The following THSD7B variants were observed in gnomAD, a reference collection of about 807,000 sequenced individuals.
THSD7B encodes thrombospondin type-1 domain-containing protein 7B.
THSD7B carries 138 observed loss-of-function variants against 213.6 expected under a neutral mutation model. The observed-to-expected ratio is 0.65, with a 90% CI of 0.56 to 0.74. The LOEUF (loss-of-function observed/expected upper bound fraction) is 0.74, where lower values mean the gene tolerates loss of function less well. THSD7B is among the 30% of genes least tolerant of loss of function. The pLI is 0.00. For synonymous variants in THSD7B, 742 were observed against 687.0 expected (o/e 1.08, Z -1.25); for missense variants, 1,931 against 1,991.5 (o/e 0.97, Z 0.58).
intron 12 of THSD7B, among the ~76,000 whole-genome samples, chr2:137,336,906 C>T (rs1483198275): frequency 6.6e-6 from 1 of 152,000 alleles, no homozygotes; most frequent in East Asian, 1.9e-4. Flanking sequence ...TCCTTCGTAT[C>T]AATTTTTTAA....
chr2:137,316,311 A>G (rs1005928511), intron 12 of THSD7B, among the ~76,000 whole-genome samples: 2 of 152,248 alleles, frequency 1.3e-5, no homozygotes, highest in Non-Finnish European at 2.9e-5. Flanking sequence ...CACAGTCCTC[A>G]TTTTGTGCTA....
intron 2 of THSD7B, among the ~76,000 whole-genome samples, chr2:136,970,614 G>T (rs1685389852): frequency 6.6e-6 from 1 of 152,098 alleles, no homozygotes; most frequent in Admixed American, 6.6e-5. Context: ...ACAGAACTGA[G>T]AAACTAAAGG....
At chr2:137,139,939 A>C (rs1344197757) in intron 5 of THSD7B, among the ~76,000 whole-genome samples, 3 of 152,164 alleles carry the variant, frequency 2.0e-5, no homozygotes, top group Non-Finnish European at 4.4e-5. Flanking sequence ...TCTTCCATTT[A>C]ATTTTTAATT....
At chr2:136,923,739 T>TTGTGTGACTCTTATG (rs1684475687) in intron 2 of THSD7B, among the ~76,000 whole-genome samples, 1 of 152,224 alleles carries the variant, frequency 6.6e-6, no homozygotes, top group Non-Finnish European at 1.5e-5. Context: ...GTTTGTTGGC[T>TTGTGTGACTCTTATG]ATTCATATGT....
intron 20 of THSD7B, among the ~76,000 whole-genome samples, chr2:137,625,202 A>G (rs1460153220): frequency 1.3e-5 from 2 of 151,938 alleles, no homozygotes; most frequent in Non-Finnish European, 2.9e-5. Context: ...GGAAACCATC[A>G]TGCTGAGCAA....
At chr2:137,643,720 A>G (rs1682978895) in intron 21 of THSD7B, among the ~76,000 whole-genome samples, 1 of 152,198 alleles carries the variant, frequency 6.6e-6, no homozygotes, top group Admixed American at 6.5e-5. Context: ...AATAAGCTCA[A>G]AGAATTTAGA....
At chr2:137,209,141 T>A (rs1681046395) in intron 7 of THSD7B, among the ~76,000 whole-genome samples, 1 of 152,092 alleles carries the variant, frequency 6.6e-6, no homozygotes, top group Non-Finnish European at 1.5e-5. Flanking sequence ...GCTTGGAGGT[T>A]AGAAGCAAGA....
intron 1 of THSD7B, among the ~76,000 whole-genome samples, chr2:136,779,279 A>G (rs918201030): frequency 9.9e-5 from 15 of 151,306 alleles, no homozygotes; most frequent in African/African-American, 3.7e-4. Context: ...CAGGAAAACA[A>G]CTTATAATAT....
chr2:137,064,843 C>G (rs1687346459), intron 3 of THSD7B, among the ~76,000 whole-genome samples: 1 of 151,916 alleles, frequency 6.6e-6, no homozygotes. Context: ...TCTGGGTTCT[C>G]TACTCTGTTC....
chr2:137,506,083 C>A (rs956821527), intron 15 of THSD7B, among the ~76,000 whole-genome samples: 1 of 152,092 alleles, frequency 6.6e-6, no homozygotes, highest in African/African-American at 2.4e-5. Flanking sequence ...GGGGACTCCT[C>A]CTGAGGAGGA....
chr2:137,001,015 G>A (rs1411443014), intron 2 of THSD7B, among the ~76,000 whole-genome samples: 2 of 152,064 alleles, frequency 1.3e-5, no homozygotes, highest in African/African-American at 4.8e-5. Context: ...GCAATACTAT[G>A]TTTACATTAC....
chr2:137,382,721 T>C (rs1162725876), intron 12 of THSD7B, among the ~76,000 whole-genome samples: 1 of 152,106 alleles, frequency 6.6e-6, no homozygotes, highest in African/African-American at 2.4e-5. Context: ...AACAGCAGAG[T>C]ACACTGAGTA....
chr2:137,396,875 T>C (rs1373941776), intron 12 of THSD7B, among the ~76,000 whole-genome samples: 2 of 151,572 alleles, frequency 1.3e-5, no homozygotes, highest in African/African-American at 2.4e-5. Flanking sequence ...ATATTTAGGA[T>C]AGTTAGCTCT....
intron 11 of THSD7B, among the ~76,000 whole-genome samples, chr2:137,273,831 T>C (rs1174609048): frequency 1.3e-5 from 2 of 152,068 alleles, no homozygotes; most frequent in Non-Finnish European, 2.9e-5. Flanking sequence ...TTTTGTACAA[T>C]GTCTAAATAT....
intron 2 of THSD7B, among the ~76,000 whole-genome samples, chr2:136,910,688 C>T (rs886121982): frequency 6.6e-6 from 1 of 152,134 alleles, no homozygotes; most frequent in East Asian, 1.9e-4. Context: ...ATTCTGGAAA[C>T]ACATAAACAT....
chr2:137,045,182 G>GC (rs1558898359), intron 2 of THSD7B, among the ~76,000 whole-genome samples: 1 of 148,688 alleles, frequency 6.7e-6, no homozygotes, highest in East Asian at 2.0e-4. Flanking sequence ...CATATGACTT[G>GC]TTTTTTTTTT....
rs147504122 is a variant in THSD7B at position 136,978,429 on chromosome 2, T to A, written c.140-77991T>A. 3.4e-3 allele frequency among the ~76,000 whole-genome samples: 511 copies of A among 152,334 alleles called. 2 individuals carry two copies. The highest frequency in any genetic ancestry group is 0.012 in the African/African-American group (490 of 41,584). On this transcript the variant is annotated intron_variant, in intron 2 of 27. Transcript: ENST00000409968. ...CTATTATTTTGTGAGAGTCTCAGTC[T>A]CTTCGTAGGTCTCCAATAACTTGTT...
At chr2:137,037,414 G>GTA (rs58423996) in intron 2 of THSD7B, among the ~76,000 whole-genome samples, 87,069 of 150,588 alleles carry the variant, frequency 0.58, 28,995 homozygotes, top group Non-Finnish European at 0.73. Context: ...GTATGTATAC[G>GTA]TATATATATA....
chr2:137,345,775 G>T (rs1375685637), intron 12 of THSD7B, among the ~76,000 whole-genome samples: 1 of 151,456 alleles, frequency 6.6e-6, no homozygotes, highest in African/African-American at 2.4e-5. Context: ...TGTGAGTTTA[G>T]AAAACAACTT....
Sources: allele counts gnomAD v4.1 joint callset (sites outside exome capture counted in the v4.1 genomes callset), GRCh38; gene constraint gnomAD v4.1.1; transcripts MANE v1.5; gene names NCBI Gene and HGNC (gene_info 2026-07-23, HGNC 2026-07-21).